The following FAM133A variants were observed in gnomAD, a reference collection of about 807,000 sequenced individuals.
FAM133A encodes family with sequence similarity 133 member A, also known as protein FAM133A.
For missense variants in FAM133A, 159 were observed against 164.4 expected, an observed-to-expected ratio of 0.97 and a Z score of 0.18; for synonymous variants, 65 against 58.6, an observed-to-expected ratio of 1.11 and a Z score of -0.50.
chrX:93,698,639 A>G (rs925755248), intron 3 of FAM133A, among the ~76,000 whole-genome samples, 154 bp downstream of exon 3: 1 of 111,842 alleles, frequency 8.9e-6, no homozygotes, highest in African/African-American at 3.2e-5. Flanking sequence ...GTTTGAAGTG[A>G]AAGTTCCATT....
intron 2 of FAM133A, among the ~76,000 whole-genome samples, chrX:93,681,287 GTCTATCTA>G (rs55666833): frequency 3.1e-4 from 33 of 104,809 alleles, no homozygotes; most frequent in African/African-American, 1.0e-3. Flanking sequence ...GATATATTCT[GTCTATCTA>G]TCTATCTATC....
intron 2 of FAM133A, among the ~76,000 whole-genome samples, chrX:93,678,342 C>T (rs758774888): frequency 9.9e-5 from 11 of 111,224 alleles, no homozygotes; most frequent in African/African-American, 2.0e-4. Flanking sequence ...CTTAAGGGTG[C>T]CTTTTACTGT....
chrX:93,678,835 A>G (rs1924907484), intron 2 of FAM133A, among the ~76,000 whole-genome samples: 1 of 111,627 alleles, frequency 9.0e-6, no homozygotes, highest in East Asian at 2.8e-4. Context: ...TAATGACACA[A>G]TCGGTAGTTA....
At chrX:93,707,326 T>C (rs1927104069) in intron 3 of FAM133A, among the ~76,000 whole-genome samples, 1 of 111,268 alleles carries the variant, frequency 9.0e-6, no homozygotes, top group East Asian at 2.8e-4. Context: ...AAATAAGATG[T>C]TGGAAACTAT....
intron 2 of FAM133A, among the ~76,000 whole-genome samples, chrX:93,697,372 A>T (rs1345368044): frequency 9.1e-6 from 1 of 110,174 alleles, no homozygotes; most frequent in Non-Finnish European, 1.9e-5. Flanking sequence ...GCATTTATTT[A>T]TGTGGTAAAT....
intron 2 of FAM133A, among the ~76,000 whole-genome samples, chrX:93,680,441 A>G (rs1915631861): frequency 9.0e-6 from 1 of 111,631 alleles, no homozygotes; most frequent in Admixed American, 9.5e-5. Context: ...TTCATTTCAT[A>G]TCCTTTGGAT....
In FAM133A at chrX:93,709,580, G is replaced by A. The variant is rs776596033; in HGVS notation, c.161G>A (p.Gly54Asp). ...AAACAATTAGAAAATAAAAAAACAG[G>A]TTCAAAAGCATTAGCTGAATTTGAA... is the stretch of plus-strand genomic sequence containing the variant. ...VKKQLENKKT[G>D]SKALAEFEEK... Residue 54 changes from glycine (G) to aspartate (D), a missense_variant, in exon 4 of 4, where the codon GGT becomes GAT. By Grantham distance (94) the Gly-to-Asp change is moderately conservative (BLOSUM62 -1). Transcript: ENST00000683942. 1 of 1,200,029 alleles carries A rather than the reference G, an allele frequency of 8.3e-7. No homozygotes were observed. The highest frequency in any genetic ancestry group is 1.8e-5 in the African/African-American group (1 of 56,483).
At chrX:93,702,308 G>GT (rs1256192150) in intron 3 of FAM133A, among the ~76,000 whole-genome samples, 1 of 111,077 alleles carries the variant, frequency 9.0e-6, no homozygotes, top group Non-Finnish European at 1.9e-5. Context: ...GGAACATCTT[G>GT]TAAGAGCCAG....
At chrX:93,689,671 A>G (rs1164604719) in intron 2 of FAM133A, among the ~76,000 whole-genome samples, 1 of 110,792 alleles carries the variant, frequency 9.0e-6, no homozygotes, top group Non-Finnish European at 1.9e-5. Context: ...TTTTTGGTTG[A>G]AAAAATGCAT....
chrX:93,694,375 T>G (rs1926088353), intron 2 of FAM133A, among the ~76,000 whole-genome samples: 2 of 110,781 alleles, frequency 1.8e-5, no homozygotes, highest in African/African-American at 6.6e-5. Flanking sequence ...TAAAATTCGA[T>G]GTAGCGTGTG....
rs5983596 is a variant in FAM133A at position 93,700,149 on chromosome X, T to C, written c.-104+1664T>C. On this transcript the variant is annotated intron_variant, in intron 3 of 3. Transcript: ENST00000683942. The stretch of plus-strand genomic sequence containing the variant: ...ATTGATTTTTAGAGGAAATCAGCTG[T>C]TTTATGGAATCTTCCACATTCTAGA... Among the ~76,000 whole-genome samples, 1,017 of 110,532 alleles carry C rather than the reference T, an allele frequency of 9.2e-3. 10 individuals are homozygous for C. The highest frequency in any genetic ancestry group is 0.032 in the African/African-American group (965 of 30,471).
intron 3 of FAM133A, among the ~76,000 whole-genome samples, chrX:93,702,834 T>A (rs1926787532): frequency 2.5e-5 from 1 of 40,416 alleles, no homozygotes. Context: ...ATTATAGCTA[T>A]GATAAAAAAA....
chrX:93,693,536 G>T (rs1429719179), intron 2 of FAM133A, among the ~76,000 whole-genome samples: 1 of 110,822 alleles, frequency 9.0e-6, no homozygotes, highest in Admixed American at 9.6e-5. Flanking sequence ...TTGCCTTTTT[G>T]AAGTGTGCCC....
intron 3 of FAM133A, among the ~76,000 whole-genome samples, chrX:93,700,709 A>G (rs1336214488): frequency 8.9e-6 from 1 of 111,841 alleles, no homozygotes; most frequent in Non-Finnish European, 1.9e-5. Flanking sequence ...AAGGAAATGT[A>G]CATATACATA....
chrX:93,689,267 C>T (rs1380102894), intron 2 of FAM133A, among the ~76,000 whole-genome samples: 1 of 110,596 alleles, frequency 9.0e-6, no homozygotes, highest in Non-Finnish European at 1.9e-5. Flanking sequence ...GTCTCAAACT[C>T]CTGACCTCAG....
At chrX:93,703,468 A>G (rs990818373) in intron 3 of FAM133A, among the ~76,000 whole-genome samples, 4 of 111,810 alleles carry the variant, frequency 3.6e-5, no homozygotes, top group African/African-American at 1.3e-4. Flanking sequence ...TATCAATGTA[A>G]GATATTAACG....
At chrX:93,694,697 T>C (rs1272196944) in intron 2 of FAM133A, among the ~76,000 whole-genome samples, 1 of 111,276 alleles carries the variant, frequency 9.0e-6, no homozygotes, top group African/African-American at 3.3e-5. Context: ...GATTAGTAGA[T>C]TGGAATATTC....
Position 93,709,525 on chromosome X carries a change from C to T in FAM133A, c.106C>T (p.Arg36Ter). The T allele has an allele frequency of 8.3e-7, 1 of 1,207,239 alleles. No individual in the cohort carries two copies. The highest frequency in any genetic ancestry group is 1.1e-6 in the Non-Finnish European group (1 of 893,839). ...VGPTIQDYLN[R>*]PRPTWEEVKK... ...CCCAACAATCCAAGATTATCTAAATCGACCAAGACCCACCTGGGAAGAAGT... is the reference window on the plus strand; with the variant it reads ...CCCAACAATCCAAGATTATCTAAATTGACCAAGACCCACCTGGGAAGAAGT... The change falls in exon 4 of 4, where the codon CGA becomes TGA. Residue 36 changes from arginine (R) to a stop codon, truncating the protein, a stop_gained. Transcript: ENST00000683942. LOFTEE classifies it low-confidence loss of function (END_TRUNC).
chrX:93,682,709 G>A (rs1462167871), intron 2 of FAM133A, among the ~76,000 whole-genome samples: 2 of 109,455 alleles, frequency 1.8e-5, no homozygotes, highest in Non-Finnish European at 3.8e-5. Context: ...TCCATCTCCC[G>A]GGTTCAAGCC....
Sources: gnomAD v4.1 joint callset for allele counts (sites outside exome capture counted in the v4.1 genomes callset) on GRCh38, gnomAD v4.1.1 for gene constraint, MANE v1.5 for transcripts, NCBI Gene and HGNC (gene_info 2026-07-23, HGNC 2026-07-21) for gene names.